The following DPP10 variants were observed in gnomAD, a reference collection of about 807,000 sequenced individuals.
The protein encoded by DPP10 is inactive dipeptidyl peptidase 10.
In DPP10, 33 loss-of-function variants were observed where a neutral mutation model predicts 120.9. That is an observed-to-expected ratio of 0.27 (90% confidence interval 0.21 to 0.37). The LOEUF (loss-of-function observed/expected upper bound fraction) is 0.37. Among genes scored for constraint, DPP10 ranks in the 10% least tolerant of loss-of-function variants. The probability of loss-of-function intolerance (pLI) is 1.00; values close to 1 mark genes in which losing one functional copy is unlikely to be tolerated. For missense variants in DPP10, 816 were observed against 942.8 expected (o/e 0.87, Z 1.76); for synonymous variants, 337 against 326.1 (o/e 1.03, Z -0.36).
intron 1 of DPP10, among the ~76,000 whole-genome samples, chr2:115,200,240 T>C (rs1050333415): frequency 6.6e-6 from 1 of 152,166 alleles, no homozygotes; most frequent in Non-Finnish European, 1.5e-5. Flanking sequence ...AGCAGTGCTG[T>C]GTTTGAAGAA....
rs181149526 is a variant in DPP10, at chr2:115,191,461, C to T, written c.61-117778C>T. Reference sequence around the variant, plus strand: ...CCTGGCAAATCTCCACAGGGTATAACGAGGCAAGGATCAAATGTAATAGTT... The same window carrying T: ...CCTGGCAAATCTCCACAGGGTATAATGAGGCAAGGATCAAATGTAATAGTT... On this transcript the variant is annotated intron_variant, in intron 1 of 25. Transcript: ENST00000410059. Among the ~76,000 whole-genome samples, 14 of 152,212 alleles carry T rather than the reference C, an allele frequency of 9.2e-5. No homozygotes were observed. In the East Asian group the frequency reaches 1.9e-3, roughly 21 times the overall value.
chr2:115,293,077 A>G (rs1173716582), intron 1 of DPP10, among the ~76,000 whole-genome samples: 1 of 152,070 alleles, frequency 6.6e-6, no homozygotes, highest in Non-Finnish European at 1.5e-5. Context: ...TCTCTAGGGT[A>G]CAGATTCACA....
At chr2:114,503,971 T>C (rs1441878398) in intron 1 of DPP10, among the ~76,000 whole-genome samples, 1 of 152,232 alleles carries the variant, frequency 6.6e-6, no homozygotes, top group Non-Finnish European at 1.5e-5. Flanking sequence ...GTAAAGAGCT[T>C]ACCTTGATTT....
chr2:114,993,446 A>C (rs1178085297), intron 1 of DPP10, among the ~76,000 whole-genome samples: 1 of 151,516 alleles, frequency 6.6e-6, no homozygotes, highest in African/African-American at 2.4e-5. Context: ...TGACACATAC[A>C]CACCTATTTA....
chr2:114,805,816 G>A (rs1283515286), intron 1 of DPP10, among the ~76,000 whole-genome samples: 2 of 152,124 alleles, frequency 1.3e-5, no homozygotes, highest in African/African-American at 4.8e-5. Context: ...TGACCTGAAA[G>A]TGACACATTG....
chr2:115,730,170 C>T (rs2092869971), intron 8 of DPP10, among the ~76,000 whole-genome samples: 2 of 152,116 alleles, frequency 1.3e-5, no homozygotes, highest in Admixed American at 6.5e-5. Context: ...TGGAAAGAAA[C>T]GGTGAGCGGC....
rs1681046940 is a variant in DPP10, at chr2:115,768,328, G to A, written c.1145G>A (p.Ser382Asn). 6.2e-7 allele frequency: 1 copy of A among 1,613,652 alleles called. No homozygotes were observed. The highest frequency in any genetic ancestry group is 8.5e-7 in the Non-Finnish European group (1 of 1,179,698). The change falls in exon 13 of 26, where the codon AGC (serine) becomes AAC (asparagine). Residue 382 changes from serine (S) to asparagine (N), a missense_variant. Around this residue, in one of 3 missense-constraint regions of DPP10, gnomAD observed 592 missense variants for 649.0 expected, o/e 0.91. Coordinates refer to ENST00000410059, the MANE Select transcript of DPP10 (RefSeq NM_020868.6). ...GAGCCCGTGTTTTCTAGAGACGGCA[G>A]CAAATTCTTTATGACAGTGCCTGTT... ...NEEPVFSRDG[S>N]KFFMTVPVKQ...
At chr2:115,716,855 A>T (rs75991033) in intron 7 of DPP10, among the ~76,000 whole-genome samples, 4,607 of 152,228 alleles carry the variant, frequency 0.03, 117 homozygotes, top group Middle Eastern at 0.075. Flanking sequence ...TGCATTTTTC[A>T]GTTTGTTTTC....
intron 3 of DPP10, among the ~76,000 whole-genome samples, chr2:115,379,296 G>A (rs867039126): frequency 2.0e-5 from 3 of 152,196 alleles, no homozygotes; most frequent in African/African-American, 7.2e-5. Flanking sequence ...TGTATGTGTC[G>A]AGGAATTTAT....
intron 1 of DPP10, among the ~76,000 whole-genome samples, chr2:114,722,772 T>A (rs1701784019): frequency 3.1e-5 from 2 of 63,788 alleles, no homozygotes; most frequent in South Asian, 1.5e-3. Context: ...CTAGGCTCTG[T>A]CTCAAAAAAA....
chr2:114,923,116 A>C (rs1183780278), intron 1 of DPP10, among the ~76,000 whole-genome samples: 1 of 151,714 alleles, frequency 6.6e-6, no homozygotes, highest in Non-Finnish European at 1.5e-5. Context: ...TTCTTTGTAC[A>C]TTTTGGATAC....
intron 1 of DPP10, among the ~76,000 whole-genome samples, chr2:115,265,367 T>C (rs2059417026): frequency 6.6e-6 from 1 of 151,838 alleles, no homozygotes; most frequent in African/African-American, 2.4e-5. Context: ...AACATCTGTT[T>C]AATAAACAGT....
chr2:114,506,447 C>T (rs1225714851), intron 1 of DPP10, among the ~76,000 whole-genome samples: 7 of 152,130 alleles, frequency 4.6e-5, no homozygotes, highest in Non-Finnish European at 7.4e-5. Flanking sequence ...TCCTGGATGC[C>T]AGACAAGAAT....
chr2:115,109,256 G>A (rs2049093552), intron 1 of DPP10, among the ~76,000 whole-genome samples: 1 of 152,076 alleles, frequency 6.6e-6, no homozygotes, highest in Admixed American at 6.5e-5. Context: ...CAACATTGGC[G>A]GCCAGGCATG....
At chr2:115,368,382 G>C (rs149266313) in intron 3 of DPP10, among the ~76,000 whole-genome samples, 139 of 152,134 alleles carry the variant, frequency 9.1e-4, no homozygotes, top group African/African-American at 3.1e-3. Context: ...TGAGATTAAA[G>C]GATGTAATAT....
rs1441261042 is a variant in DPP10 at position 115,708,228 on chromosome 2, T to C, written c.576+18307T>C. On this transcript the variant is annotated intron_variant, in intron 7 of 25. Transcript: ENST00000410059. ...ATTATGTTACATATTGTTTTAAGTGTTAGAAGAGGAACTAGAATATGAGGA... is the reference window on the plus strand; with the variant it reads ...ATTATGTTACATATTGTTTTAAGTGCTAGAAGAGGAACTAGAATATGAGGA... Among the ~76,000 whole-genome samples the C allele has an allele frequency of 3.3e-5, 5 of 151,954 alleles. 1 individual carries two copies. The East Asian group carries it at 9.6e-4, about 29-fold the overall frequency.
At chr2:115,381,600 C>G (rs543250616) in intron 3 of DPP10, among the ~76,000 whole-genome samples, 1 of 152,222 alleles carries the variant, frequency 6.6e-6, no homozygotes, top group African/African-American at 2.4e-5. Context: ...TGGTGAGGAA[C>G]TGCGTTCCTT....
At chr2:114,886,432 C>T (rs951608882) in intron 1 of DPP10, among the ~76,000 whole-genome samples, 5 of 151,926 alleles carry the variant, frequency 3.3e-5, no homozygotes, top group Admixed American at 3.3e-4. Flanking sequence ...ATATTTTTAT[C>T]GATATGATGA....
intron 1 of DPP10, among the ~76,000 whole-genome samples, chr2:114,591,413 G>T (rs1294042016): frequency 6.6e-6 from 1 of 152,120 alleles, no homozygotes; most frequent in Non-Finnish European, 1.5e-5. Flanking sequence ...TTTGTCTTTG[G>T]TCAGCATCTT....
Sources: allele counts gnomAD v4.1 joint callset (sites outside exome capture counted in the v4.1 genomes callset), GRCh38; gene constraint gnomAD v4.1.1; regional missense constraint gnomAD v4.1.1; transcripts MANE v1.5; gene names NCBI Gene and HGNC (gene_info 2026-07-23, HGNC 2026-07-21).